The following KIF27 variants were observed in gnomAD, a reference collection of about 807,000 sequenced individuals.
KIF27 encodes the protein kinesin family member 27.
KIF27 carries 84 observed loss-of-function variants against 141.8 expected under a neutral mutation model. That is an observed-to-expected ratio of 0.59 (90% CI 0.50 to 0.71). The LOEUF is 0.71. KIF27 is among the 30% of genes least tolerant of loss of function. The pLI, the probability that KIF27 is intolerant of heterozygous loss-of-function variation, is 0.00. For synonymous variants in KIF27, 471 were observed against 569.5 expected (o/e 0.83, Z 2.46); for missense variants, 1,306 against 1,628.4 (o/e 0.80, Z 3.41).
intron 5 of KIF27, among the ~76,000 whole-genome samples, chr9:83,896,245 A>G (rs1371813326): frequency 1.3e-5 from 2 of 152,102 alleles, no homozygotes; most frequent in African/African-American, 2.4e-5. Flanking sequence ...CTCCGTCTCA[A>G]AAACAACAAA....
At position 83,904,028 on chromosome 9, in the gene KIF27, G is replaced by GT. The variant is rs753640746; in HGVS notation, c.500-11dup. 1 of 1,563,692 alleles carries GT rather than the reference G, an allele frequency of 6.4e-7. No individual in the cohort carries two copies. The highest frequency in any genetic ancestry group is 8.7e-7 in the Non-Finnish European group (1 of 1,154,780). On this transcript the variant is annotated splice_polypyrimidine_tract_variant and intron_variant, in intron 3 of 17. Transcript: ENST00000297814. ...TTGGCCCCAACAATCACTTAAAATAGTAATAACATGTTTTTAAGCCAAGTT... is the reference window on the plus strand; with the variant it reads ...TTGGCCCCAACAATCACTTAAAATAGTTAATAACATGTTTTTAAGCCAAGTT...
chr9:83,913,870 AGAG>A (rs1955435748), intron 2 of KIF27, among the ~76,000 whole-genome samples: 1 of 152,232 alleles, frequency 6.6e-6, no homozygotes, highest in South Asian at 2.1e-4. Flanking sequence ...CTTTGGGGTG[AGAG>A]GAGCTGTCAC....
Position 83,845,934 on chromosome 9 carries a change from A to G in KIF27, c.3557-3533T>C, listed in dbSNP as rs561917074. On this transcript the variant is annotated intron_variant, in intron 16 of 17. Coordinates refer to ENST00000297814, the MANE Select transcript of KIF27 (RefSeq NM_017576.4). ...CACCAACGGATGACCTCAGCAGAGG[A>G]GGATTTTAATAATCAAGTGGATATG... Among the ~76,000 whole-genome samples, 4 of 152,310 alleles carry G rather than the reference A, an allele frequency of 2.6e-5. No homozygotes were observed. In the East Asian group the frequency reaches 7.7e-4, roughly 29 times the overall value.
At position 83,842,334 on chromosome 9, in the gene KIF27, T is replaced by C; in HGVS notation, c.3624A>G (p.Lys1208=). Residue 1208 remains lysine (K), a synonymous_variant, in exon 17 of 18, where the codon AAA becomes AAG. Coordinates refer to ENST00000297814, the MANE Select transcript of KIF27 (RefSeq NM_017576.4). ...TYEDKIQQLE[K]DLYFYKKTSR... is the part of the protein sequence containing the mutation. The stretch of plus-strand genomic sequence containing the variant: ...TGGTTTTCTTATAGAAATAAAGATC[T>C]TTTTCCAACTGCTGGATTTTATCTT... The C allele has an allele frequency of 6.4e-7, 1 of 1,560,154 alleles. No homozygotes were observed. Among genetic ancestry groups the C allele is most frequent in the African/African-American group, 1.4e-5 (1 of 71,522 alleles).
intron 11 of KIF27, among the ~76,000 whole-genome samples, chr9:83,870,960 G>C (rs1197674037): frequency 6.6e-6 from 1 of 151,994 alleles, no homozygotes; most frequent in Non-Finnish European, 1.5e-5. Flanking sequence ...ATCTAGACTA[G>C]AGTGCAATGG....
At chr9:83,883,669 G>C (rs984381517) in intron 10 of KIF27, 144 bp downstream of exon 10, 1 of 592,716 alleles carries the variant, frequency 1.7e-6, no homozygotes, top group South Asian at 2.2e-5. Flanking sequence ...TATGTAAATC[G>C]ACCAGCACAC....
chr9:83,913,120 GTGCCAC>G (rs1361549666), intron 2 of KIF27, among the ~76,000 whole-genome samples: 25 of 152,192 alleles, frequency 1.6e-4, no homozygotes, highest in African/African-American at 5.8e-4. Context: ...AGCTGTGATT[GTGCCAC>G]TGCACTCCAG....
chr9:83,866,287 A>G (rs11140277), intron 13 of KIF27, among the ~76,000 whole-genome samples: 48,276 of 150,876 alleles, frequency 0.32, 8,474 homozygotes, highest in African/African-American at 0.48. Flanking sequence ...GCATTCCTAA[A>G]ATGCCCATCA....
chr9:83,858,980 T>C, intron 14 of KIF27, 176 bp downstream of exon 14: 1 of 616,482 alleles, frequency 1.6e-6, no homozygotes, highest in Non-Finnish European at 2.9e-6. Flanking sequence ...TATCTCAGTC[T>C]CTAGTCCAGC....
intron 14 of KIF27, chr9:83,855,023 A>T (rs1397179890): frequency 6.6e-6 from 1 of 152,210 alleles, no homozygotes; most frequent in Non-Finnish European, 1.5e-5. Flanking sequence ...AAGGAAAATA[A>T]TATGAATATT....
chr9:83,838,012 G>A (rs1431168336), intron 17 of KIF27, among the ~76,000 whole-genome samples: 1 of 152,182 alleles, frequency 6.6e-6, no homozygotes, highest in Non-Finnish European at 1.5e-5. Context: ...TTCTGTCATC[G>A]AAATGGAGAT....
Position 83,880,402 on chromosome 9 carries a change from A to T in KIF27, c.2538T>A (p.Asp846Glu), listed in dbSNP as rs1436957339. Residue 846 changes from aspartate to glutamate, a missense_variant, in exon 11 of 18, where the codon GAT (aspartate) becomes GAA (glutamate). This residue lies in a region of KIF27 where 596 missense variants were observed against 751.6 expected (regional missense o/e 0.79). Coordinates refer to ENST00000297814, the MANE Select transcript of KIF27 (RefSeq NM_017576.4). ...KRANELEQSV[D>E]HMKYQKIQLQ... is the part of the protein sequence containing the mutation. ...GCTGTATCTTTTGATATTTCATGTG[A>T]TCTACACTCTGCTCTAGCTCATTAG... is the stretch of plus-strand genomic sequence containing the variant. 1 of 1,613,472 alleles carries T rather than the reference A, an allele frequency of 6.2e-7. No individual in the cohort carries two copies. The highest frequency in any genetic ancestry group is 2.2e-5 in the East Asian group (1 of 44,862).
chr9:83,899,533 G>A, intron 5 of KIF27, 128 bp downstream of exon 5: 1 of 596,582 alleles, frequency 1.7e-6, no homozygotes, highest in Non-Finnish European at 2.8e-6. Context: ...TCTTTCAGGT[G>A]CCTATGTTCA....
chr9:83,880,380 G>C lies in KIF27; in HGVS notation c.2560C>G (p.Gln854Glu), dbSNP rs1269337789. 6.4e-7 allele frequency: 1 copy of C among 1,573,152 alleles called. No homozygotes were observed. The highest frequency in any genetic ancestry group is 2.3e-5 in the East Asian group (1 of 42,882). Residue 854 changes from glutamine to glutamate, a missense_variant, in exon 11 of 18, where the codon CAG becomes GAG. Physicochemically the swap from Gln to Glu is conservative, Grantham distance 29. Coordinates refer to ENST00000297814, the MANE Select transcript of KIF27 (RefSeq NM_017576.4). Reference protein sequence around the residue: ...SVDHMKYQKIQLQRKLREENE... With the variant: ...SVDHMKYQKIELQRKLREENE... Reference sequence around the variant, plus strand: ...TCTTCTCGTAGTTTTCTTTGTAGCTGTATCTTTTGATATTTCATGTGATCT... The same window carrying C: ...TCTTCTCGTAGTTTTCTTTGTAGCTCTATCTTTTGATATTTCATGTGATCT...
At chr9:83,903,013 T>C (rs1954090901) in intron 4 of KIF27, 47 bp downstream of exon 4, 1 of 1,185,762 alleles carries the variant, frequency 8.4e-7, no homozygotes, top group South Asian at 1.6e-5. Flanking sequence ...ACATCTATTA[T>C]GTATCAATAA....
chr9:83,847,745 A>T (rs1040104668), intron 16 of KIF27: 4 of 152,040 alleles, frequency 2.6e-5, no homozygotes, highest in African/African-American at 9.7e-5. Flanking sequence ...GCAGAAAAAC[A>T]TAAGAAGGTG....
chr9:83,872,108 G>A (rs141034391), intron 11 of KIF27, among the ~76,000 whole-genome samples: 26,367 of 151,088 alleles, frequency 0.17, 2,870 homozygotes, highest in Non-Finnish European at 0.24. Context: ...CTGATCACCT[G>A]AGGTCAGGAG....
At chr9:83,878,132 C>A (rs1278518470) in intron 11 of KIF27, among the ~76,000 whole-genome samples, 1 of 138,264 alleles carries the variant, frequency 7.2e-6, no homozygotes, top group Non-Finnish European at 1.5e-5. Context: ...CCACTGCACT[C>A]CAGCCTGGGC....
At chr9:83,873,287 T>C (rs372307568) in intron 11 of KIF27, among the ~76,000 whole-genome samples, 7 of 152,048 alleles carry the variant, frequency 4.6e-5, no homozygotes, top group African/African-American at 1.7e-4. Flanking sequence ...CTCCAAGGCA[T>C]AGGATAAAAG....
Sources: gnomAD v4.1 joint callset for allele counts (sites outside exome capture counted in the v4.1 genomes callset) on GRCh38, gnomAD v4.1.1 for gene constraint, gnomAD v4.1.1 regional missense constraint, MANE v1.5 for transcripts, NCBI Gene and HGNC (gene_info 2026-07-23, HGNC 2026-07-21) for gene names.